The following TLCD4 variants were observed in gnomAD, a reference collection of about 807,000 sequenced individuals.
TLCD4 encodes the protein TLC domain containing 4.
In TLCD4, 7 loss-of-function variants were observed where a neutral mutation model predicts 24.2. The observed-to-expected ratio is 0.29, with a 90% confidence interval of 0.16 to 0.54. TLCD4 has a LOEUF of 0.54. Among genes scored for constraint, TLCD4 ranks in the 20% least tolerant of loss-of-function variants. The pLI, the probability that TLCD4 is intolerant of heterozygous loss-of-function variation, is 0.95. For synonymous variants in TLCD4, 103 were observed against 106.4 expected (o/e 0.97, Z 0.20); for missense variants, 259 against 313.9 (o/e 0.82, Z 1.32).
intron 1 of TLCD4, among the ~76,000 whole-genome samples, chr1:95,136,052 A>G (rs377438644): frequency 2.2e-5 from 3 of 138,886 alleles, no homozygotes; most frequent in African/African-American, 8.2e-5. Flanking sequence ...TTTTTTTTTT[A>G]TTTTTTTTTA....
At chr1:95,140,327 T>A (rs911601702) in intron 1 of TLCD4, among the ~76,000 whole-genome samples, 2 of 152,334 alleles carry the variant, frequency 1.3e-5, no homozygotes, top group East Asian at 3.9e-4. Context: ...TGCGGTGTTA[T>A]GATGGCTACA....
intron 6 of TLCD4, among the ~76,000 whole-genome samples, chr1:95,184,088 C>T (rs1678746658): frequency 6.6e-6 from 1 of 152,190 alleles, no homozygotes. Context: ...GTAGAGTCAG[C>T]TTACAGCCCA....
At chr1:95,103,582 T>C in the TLCD4 span, among the ~76,000 whole-genome samples, 23 of 152,364 alleles carry the variant, frequency 1.5e-4, no homozygotes, top group Middle Eastern at 3.4e-3. Context: ...GCTTTACTGT[T>C]GTAATGGTAC....
At chr1:95,159,855 A>G (rs1677733622) in intron 5 of TLCD4, among the ~76,000 whole-genome samples, 1 of 152,064 alleles carries the variant, frequency 6.6e-6, no homozygotes, top group African/African-American at 2.4e-5. Context: ...GCTCTGTTCC[A>G]TTGGTCAACA....
chr1:95,165,107 A>G (rs563712169), intron 5 of TLCD4: 6 of 152,296 alleles, frequency 3.9e-5, no homozygotes, highest in Admixed American at 6.5e-5. Context: ...TGTCATTCCA[A>G]TCTTGGGCTG....
At chr1:95,163,546 G>A (rs1677903941) in intron 5 of TLCD4, 1 of 152,172 alleles carries the variant, frequency 6.6e-6, no homozygotes, top group South Asian at 2.1e-4. Flanking sequence ...TCTGCTGCTG[G>A]CGAGGAGCTG....
chr1:95,119,191 GA>G (rs1354588572), intron 1 of TLCD4, among the ~76,000 whole-genome samples: 1 of 152,286 alleles, frequency 6.6e-6, no homozygotes, highest in East Asian at 1.9e-4. Context: ...GGTGAACTAG[GA>G]ATGGCATGCT....
At chr1:95,177,834 AG>A (rs1678483131) in intron 6 of TLCD4, among the ~76,000 whole-genome samples, 1 of 151,994 alleles carries the variant, frequency 6.6e-6, no homozygotes, top group Non-Finnish European at 1.5e-5. Context: ...CCATAGATGA[AG>A]CCTCTCTTGC....
At chr1:95,094,333 C>G in the TLCD4 span, among the ~76,000 whole-genome samples, 1 of 151,118 alleles carries the variant, frequency 6.6e-6, no homozygotes, top group African/African-American at 2.4e-5. Flanking sequence ...GATGGAGTCT[C>G]ACTGTTTCCC....
At chr1:95,106,817 T>C in the TLCD4 span, among the ~76,000 whole-genome samples, 1 of 152,226 alleles carries the variant, frequency 6.6e-6, no homozygotes, top group Admixed American at 6.5e-5. Context: ...CGTTACTTGC[T>C]GGAGGACAAA....
At chr1:95,140,506 A>T (rs1012185465) in intron 1 of TLCD4, among the ~76,000 whole-genome samples, 10 of 152,194 alleles carry the variant, frequency 6.6e-5, no homozygotes, top group African/African-American at 2.4e-4. Context: ...GTTTATGTAA[A>T]CCATCTTTAA....
chr1:95,116,034 AGAGCACTG>A (rs1676423573), upstream of TLCD4, among the ~76,000 whole-genome samples: 1 of 152,204 alleles, frequency 6.6e-6, no homozygotes, highest in Non-Finnish European at 1.5e-5. Flanking sequence ...TGTGGTTCAA[AGAGCACTG>A]GAGCCCTGGT....
chr1:95,116,041 T>C (rs1303085011), upstream of TLCD4, among the ~76,000 whole-genome samples: 1 of 152,172 alleles, frequency 6.6e-6, no homozygotes, highest in African/African-American at 2.4e-5. Flanking sequence ...CAAAGAGCAC[T>C]GGAGCCCTGG....
At chr1:95,173,031 G>A (rs1344382878) in intron 5 of TLCD4, among the ~76,000 whole-genome samples, 2 of 152,074 alleles carry the variant, frequency 1.3e-5, no homozygotes, top group Non-Finnish European at 2.9e-5. Flanking sequence ...GAATGTACTA[G>A]GTATTATGTT....
At chr1:95,116,710 G>A (rs750308279), upstream of TLCD4, among the ~76,000 whole-genome samples, 2 of 152,174 alleles carry the variant, frequency 1.3e-5, no homozygotes, top group Non-Finnish European at 2.9e-5. Flanking sequence ...TAGGCAACTT[G>A]GAATTCTCAG....
intron 1 of TLCD4, among the ~76,000 whole-genome samples, chr1:95,142,713 A>T (rs1677238594): frequency 6.6e-6 from 1 of 152,076 alleles, no homozygotes. Flanking sequence ...GCACTTTAGG[A>T]GGCTGAGGTG....
chr1:95,176,544 T>G (rs1678438920), intron 6 of TLCD4, among the ~76,000 whole-genome samples: 1 of 152,232 alleles, frequency 6.6e-6, no homozygotes, highest in South Asian at 2.1e-4. Flanking sequence ...TACTGAATAT[T>G]GATACTTTAT....
chr1:95,095,631 T>C, the TLCD4 span, among the ~76,000 whole-genome samples: 1 of 152,136 alleles, frequency 6.6e-6, no homozygotes, highest in African/African-American at 2.4e-5. Context: ...TCTCCTGACC[T>C]TGTGATCCAC....
At chr1:95,173,134 T>C (rs530282938) in intron 5 of TLCD4, among the ~76,000 whole-genome samples, 26 of 152,364 alleles carry the variant, frequency 1.7e-4, no homozygotes, top group African/African-American at 6.3e-4. Flanking sequence ...TGGCATGTGT[T>C]GTCATACTGG....
Sources: gnomAD v4.1 joint callset for allele counts (sites outside exome capture counted in the v4.1 genomes callset) on GRCh38, gnomAD v4.1.1 for gene constraint, MANE v1.5 for transcripts, NCBI Gene and HGNC (gene_info 2026-07-23, HGNC 2026-07-21) for gene names.